LIPJ: variants seen among roughly 807,000 people sequenced by gnomAD.
The protein encoded by LIPJ is lipase family member J, also known as lipase member J.
LIPJ carries 33 observed loss-of-function variants against 39.8 expected under a neutral mutation model. That is an observed-to-expected ratio of 0.83 (90% CI 0.63 to 1.11). The LOEUF (loss-of-function observed/expected upper bound fraction) is 1.11, where lower values mean the gene tolerates loss of function less well. Among genes scored for constraint, LIPJ ranks in the 50% least tolerant of loss-of-function variants. LIPJ has a pLI of 0.00. For missense variants in LIPJ, 422 were observed against 427.9 expected (o/e 0.99, Z 0.12); for synonymous variants, 128 against 139.2 (o/e 0.92, Z 0.57).
chr10:88,613,800 A>G, the LIPJ span, among the ~76,000 whole-genome samples: 5,947 of 74,112 alleles, frequency 0.08, 547 homozygotes, highest in African/African-American at 0.23. Context: ...ATATATATAT[A>G]TGTGTGTGTG....
At chr10:88,598,430 C>T (rs1851334775) in intron 8 of LIPJ, among the ~76,000 whole-genome samples, 1 of 151,974 alleles carries the variant, frequency 6.6e-6, no homozygotes, top group Non-Finnish European at 1.5e-5. Flanking sequence ...AATGTATCAT[C>T]AAACAACCAA....
chr10:88,585,545 C>G (rs1850880888), upstream of LIPJ: 1 of 152,164 alleles, frequency 6.6e-6, no homozygotes, highest in Non-Finnish European at 1.5e-5. Flanking sequence ...TTTCTCTTCA[C>G]TGCACTCTGC....
chr10:88,604,404 G>T (rs545138724), intron 9 of LIPJ, among the ~76,000 whole-genome samples: 60 of 152,344 alleles, frequency 3.9e-4, no homozygotes, highest in African/African-American at 1.4e-3. Flanking sequence ...TGGCTGCTAT[G>T]TTGAGTAGAC....
the LIPJ span, among the ~76,000 whole-genome samples, chr10:88,615,508 G>C: frequency 6.6e-6 from 1 of 150,798 alleles, no homozygotes; most frequent in Admixed American, 6.6e-5. Flanking sequence ...AGCCAAGATT[G>C]TGCCACTGCT....
At chr10:88,603,707 A>T (rs1036327186) in intron 9 of LIPJ, among the ~76,000 whole-genome samples, 4 of 152,202 alleles carry the variant, frequency 2.6e-5, no homozygotes, top group African/African-American at 9.6e-5. Context: ...AAGGCTAATG[A>T]TTATGAATGT....
exon 5 of LIPJ, chr10:88,593,949 A>C: frequency 1.2e-6 from 2 of 1,609,744 alleles, no homozygotes; most frequent in Non-Finnish European, 1.7e-6. Context: ...TTCTCAGCTC[A>C]GAGGGTTGTT....
At chr10:88,605,296 A>G (rs1851624167) in intron 9 of LIPJ, among the ~76,000 whole-genome samples, 1 of 152,188 alleles carries the variant, frequency 6.6e-6, no homozygotes, top group Non-Finnish European at 1.5e-5. Flanking sequence ...TCTCAGTGCA[A>G]GACACTCAGC....
upstream of LIPJ, chr10:88,583,794 A>G (rs1464061205): frequency 3.7e-6 from 3 of 809,346 alleles, no homozygotes; most frequent in African/African-American, 5.6e-5. Context: ...AATGGAAACA[A>G]TAACGTATAC....
the LIPJ span, chr10:88,618,308 T>C: frequency 6.6e-6 from 1 of 152,304 alleles, no homozygotes; most frequent in Admixed American, 6.5e-5. Flanking sequence ...TTCTTTATTC[T>C]GTGGAGAAGA....
At chr10:88,617,827 A>G in the LIPJ span, among the ~76,000 whole-genome samples, 4 of 152,272 alleles carry the variant, frequency 2.6e-5, no homozygotes, top group African/African-American at 9.6e-5. Flanking sequence ...TTTAAAAATC[A>G]TAGCAGTTTC....
chr10:88,607,991 C>A (rs1851705563), downstream of LIPJ, among the ~76,000 whole-genome samples: 1 of 152,212 alleles, frequency 6.6e-6, no homozygotes. Flanking sequence ...GAGAAAAATT[C>A]TCTTGTGCTC....
the LIPJ span, among the ~76,000 whole-genome samples, chr10:88,615,931 G>T: frequency 6.6e-6 from 1 of 152,278 alleles, no homozygotes. Flanking sequence ...TAAAATGGAG[G>T]CCTGGCCCCA....
intron 8 of LIPJ, among the ~76,000 whole-genome samples, chr10:88,601,141 G>T (rs893866485): frequency 6.6e-6 from 1 of 151,662 alleles, no homozygotes; most frequent in Non-Finnish European, 1.5e-5. Flanking sequence ...TAGAGATGGG[G>T]TTCACCATAT....
At chr10:88,617,995 C>A in the LIPJ span, among the ~76,000 whole-genome samples, 4 of 152,304 alleles carry the variant, frequency 2.6e-5, no homozygotes, top group East Asian at 7.7e-4. Flanking sequence ...TTACACTTTT[C>A]ATGCTTCAGT....
At chr10:88,602,605 C>T (rs77052269) in exon 9 of LIPJ, 5 of 1,217,852 alleles carry the variant, frequency 4.1e-6, no homozygotes, top group Non-Finnish European at 5.7e-6. Context: ...TTTCACACAA[C>T]CCAGCAGGAA....
At chr10:88,616,882 CTG>C in the LIPJ span, among the ~76,000 whole-genome samples, 7 of 152,166 alleles carry the variant, frequency 4.6e-5, no homozygotes, top group Non-Finnish European at 2.9e-5. Flanking sequence ...TGGCCCAGCT[CTG>C]TGAAAACAGG....
At chr10:88,611,777 T>C (rs1851755514), downstream of LIPJ, among the ~76,000 whole-genome samples, 1 of 152,144 alleles carries the variant, frequency 6.6e-6, no homozygotes, top group African/African-American at 2.4e-5. Context: ...ATGTTAAACA[T>C]CCAAACCTAA....
chr10:88,617,212 G>T, the LIPJ span, among the ~76,000 whole-genome samples: 3 of 152,150 alleles, frequency 2.0e-5, no homozygotes, highest in Admixed American at 6.5e-5. Context: ...AAGAAACATG[G>T]AGGCCTTCAA....
intron 9 of LIPJ, among the ~76,000 whole-genome samples, chr10:88,605,256 G>A (rs2134585133): frequency 6.6e-6 from 1 of 152,252 alleles, no homozygotes; most frequent in East Asian, 1.9e-4. Context: ...ATTGTTTGAA[G>A]CATGGTGTTT....
Sources: allele counts gnomAD v4.1 joint callset (sites outside exome capture counted in the v4.1 genomes callset), GRCh38; gene constraint gnomAD v4.1.1; transcripts MANE v1.5; gene names NCBI Gene and HGNC (gene_info 2026-07-23, HGNC 2026-07-21).